The following STK3 variants were observed in gnomAD, a reference collection of about 807,000 sequenced individuals.
STK3 encodes serine/threonine-protein kinase 3.
In STK3, 41 loss-of-function variants were observed where a neutral mutation model predicts 58.0. The observed-to-expected ratio is 0.71, with a 90% CI of 0.55 to 0.92. The LOEUF (loss-of-function observed/expected upper bound fraction) is 0.92. STK3 is among the 40% of genes least tolerant of loss of function. The probability of loss-of-function intolerance (pLI) is 0.00; values close to 1 mark genes in which losing one functional copy is unlikely to be tolerated. For synonymous variants in STK3, 170 were observed against 191.0 expected, an observed-to-expected ratio of 0.89 and a Z score of 0.91; for missense variants, 479 against 602.7, an observed-to-expected ratio of 0.79 and a Z score of 2.15.
At chr8:98,565,548 TA>T (rs1586876504) in intron 8 of STK3, among the ~76,000 whole-genome samples, 1 of 152,156 alleles carries the variant, frequency 6.6e-6, no homozygotes, top group East Asian at 1.9e-4. Flanking sequence ...TATATGCTTT[TA>T]AAAAATGCAC....
At chr8:98,678,421 G>A (rs2130881324) in intron 6 of STK3, among the ~76,000 whole-genome samples, 1 of 152,066 alleles carries the variant, frequency 6.6e-6, no homozygotes, top group Middle Eastern at 3.4e-3. Flanking sequence ...TAATTTATGA[G>A]TATGAAAAAT....
At chr8:98,459,196 G>A (rs756837075) in intron 10 of STK3, among the ~76,000 whole-genome samples, 2 of 152,192 alleles carry the variant, frequency 1.3e-5, no homozygotes, top group Non-Finnish European at 2.9e-5. Context: ...CTGGCAACTG[G>A]AGCAAAGATC....
intron 3 of STK3, among the ~76,000 whole-genome samples, chr8:98,852,558 T>C (rs952077351): frequency 1.3e-5 from 2 of 152,266 alleles, no homozygotes; most frequent in African/African-American, 4.8e-5. Flanking sequence ...TTCAAGGACA[T>C]AGTTGACAAT....
intron 6 of STK3, among the ~76,000 whole-genome samples, chr8:98,631,857 G>A (rs576967963): frequency 3.3e-5 from 5 of 152,272 alleles, no homozygotes; most frequent in Middle Eastern, 3.4e-3. Context: ...TAGAAAATGC[G>A]TTTCACTATG....
chr8:98,809,045 C>T (rs1834055657), intron 1 of STK3, among the ~76,000 whole-genome samples: 3 of 152,220 alleles, frequency 2.0e-5, no homozygotes, highest in Non-Finnish European at 4.4e-5. Flanking sequence ...TCTTCTGGAT[C>T]GATGAACACA....
chr8:98,586,634 C>A (rs1201444575), intron 7 of STK3, among the ~76,000 whole-genome samples: 1 of 151,190 alleles, frequency 6.6e-6, no homozygotes, highest in Non-Finnish European at 1.5e-5. Context: ...GGAGGATTCC[C>A]TCTTTTTCTA....
intron 10 of STK3, among the ~76,000 whole-genome samples, chr8:98,508,196 T>A (rs1824239848): frequency 6.6e-6 from 1 of 152,180 alleles, no homozygotes; most frequent in Admixed American, 6.6e-5. Context: ...TTTAAGGTCC[T>A]GATGAATCCA....
chr8:98,655,927 G>A (rs1821460061), intron 6 of STK3, among the ~76,000 whole-genome samples: 1 of 152,198 alleles, frequency 6.6e-6, no homozygotes, highest in Non-Finnish European at 1.5e-5. Context: ...AGTCAGTGTG[G>A]CGATTCCTCA....
chr8:98,862,344 A>C (rs1420833449), intron 3 of STK3, among the ~76,000 whole-genome samples: 2 of 152,232 alleles, frequency 1.3e-5, no homozygotes, highest in Non-Finnish European at 2.9e-5. Flanking sequence ...TATTGCCAAG[A>C]TTTTGATAAC....
chr8:98,690,882 A>G (rs1015414681), intron 6 of STK3, among the ~76,000 whole-genome samples: 10 of 152,230 alleles, frequency 6.6e-5, no homozygotes, highest in South Asian at 2.1e-4. Context: ...GAGGCATAAA[A>G]AAATAATGGG....
chr8:98,669,703 G>A (rs1364222738), intron 6 of STK3, among the ~76,000 whole-genome samples: 6 of 152,180 alleles, frequency 3.9e-5, no homozygotes, highest in African/African-American at 1.4e-4. Context: ...ACAGAATCAA[G>A]CAACATGTTA....
chr8:98,479,408 G>C (rs1821645175), intron 10 of STK3, among the ~76,000 whole-genome samples: 1 of 149,952 alleles, frequency 6.7e-6, no homozygotes, highest in Admixed American at 6.7e-5. Flanking sequence ...AATTGCTTGA[G>C]TCCGGGAGGT....
intron 1 of STK3, among the ~76,000 whole-genome samples, chr8:98,940,879 C>T (rs1840393659): frequency 6.6e-6 from 1 of 152,238 alleles, no homozygotes; most frequent in Non-Finnish European, 1.5e-5. Flanking sequence ...ATGTGGGGCT[C>T]CCACAAAGGA....
intron 7 of STK3, among the ~76,000 whole-genome samples, chr8:98,587,774 G>C (rs370577689): frequency 0.01 from 1,540 of 152,194 alleles, 14 homozygotes; most frequent in Middle Eastern, 0.024. Context: ...TTATGAATCT[G>C]GGTGCTCCTG....
chr8:98,440,415 C>G (rs900982902), intron 1 of STK3, among the ~76,000 whole-genome samples: 2 of 152,172 alleles, frequency 1.3e-5, no homozygotes, highest in Non-Finnish European at 2.9e-5. Context: ...TAAGTACATT[C>G]GCATTATTGT....
intron 1 of STK3, among the ~76,000 whole-genome samples, chr8:98,896,697 G>A (rs1838457825): frequency 6.6e-6 from 1 of 152,148 alleles, no homozygotes; most frequent in African/African-American, 2.4e-5. Flanking sequence ...GAAATGTCTG[G>A]GCCAGGTGCA....
intron 2 of STK3, among the ~76,000 whole-genome samples, chr8:98,377,516 T>C (rs1023032902): frequency 2.0e-5 from 3 of 151,654 alleles, no homozygotes; most frequent in Non-Finnish European, 4.4e-5. Flanking sequence ...AAATGTCTAA[T>C]TAAAGACAAA....
intron 4 of STK3, among the ~76,000 whole-genome samples, chr8:98,739,352 G>A (rs1014092243): frequency 6.6e-6 from 1 of 152,044 alleles, no homozygotes; most frequent in Non-Finnish European, 1.5e-5. Context: ...CCCAAGTAGG[G>A]GCAGACTGAC....
chr8:98,507,546 G>A (rs372060156), intron 10 of STK3, among the ~76,000 whole-genome samples: 3 of 152,174 alleles, frequency 2.0e-5, no homozygotes, highest in Middle Eastern at 3.2e-3. Flanking sequence ...TTTAAAGTCA[G>A]TCAGTTAGAG....
Sources: allele counts gnomAD v4.1 joint callset (sites outside exome capture counted in the v4.1 genomes callset), GRCh38; gene constraint gnomAD v4.1.1; transcripts MANE v1.5; gene names NCBI Gene and HGNC (gene_info 2026-07-23, HGNC 2026-07-21).